Variants in LSM14A observed in about 807,000 individuals in gnomAD.
The protein encoded by LSM14A is protein LSM14 homolog A.
Under a neutral mutation model 52.4 loss-of-function variants are expected in LSM14A, and 14 were observed. The ratio of observed to expected loss-of-function variants is 0.27; its 90% confidence interval spans 0.18 to 0.42. LSM14A has a LOEUF of 0.42. Among genes scored for constraint, LSM14A ranks in the 10% least tolerant of loss-of-function variants. The pLI is 1.00. For missense variants in LSM14A, 417 were observed against 581.8 expected, an observed-to-expected ratio of 0.72 and a Z score of 2.91; for synonymous variants, 185 against 200.3, an observed-to-expected ratio of 0.92 and a Z score of 0.64.
Position 34,228,827 on chromosome 19 carries a change from G to A in LSM14A, c.*1439G>A, listed in dbSNP as rs1388222811. 1.3e-5 allele frequency: 2 copies of A among 152,590 alleles called. No individual in the cohort carries two copies. Among genetic ancestry groups the A allele is most frequent in the African/African-American group, 4.8e-5 (2 of 41,416 alleles). The allele number at this position is 152,590 out of a possible 1,614,324, so 9.5% of individuals were successfully genotyped here. A position where few individuals can be genotyped will look rare whatever the true frequency, so the allele number is the denominator to read the frequency against. On this transcript the variant is annotated 3_prime_UTR_variant, in exon 10 of 10. Coordinates refer to ENST00000544216, the MANE Select transcript of LSM14A (RefSeq NM_015578.4). ...AGGAGAATTGGAATATTTAAGGCTG[G>A]TTGACATTTTTTATTTTCATTTTAT...
chr19:34,178,013 T>G (rs1388687776), intron 1 of LSM14A, among the ~76,000 whole-genome samples: 1 of 151,290 alleles, frequency 6.6e-6, no homozygotes, highest in African/African-American at 2.4e-5. Flanking sequence ...ATACAAAAAT[T>G]ATCTGGGCGT....
At chr19:34,201,402 G>A (rs1196910135) in intron 3 of LSM14A, among the ~76,000 whole-genome samples, 1 of 152,188 alleles carries the variant, frequency 6.6e-6, no homozygotes, top group African/African-American at 2.4e-5. Flanking sequence ...GAGTGCAGTG[G>A]TGCGATCTCA....
At chr19:34,173,113 T>C (rs1020664991) in intron 1 of LSM14A, among the ~76,000 whole-genome samples, 2 of 152,228 alleles carry the variant, frequency 1.3e-5, no homozygotes. Context: ...AGCCGGAGTA[T>C]TCAAAGAATT....
In LSM14A at chr19:34,228,467, G is replaced by GTCATGATA. The variant is rs74177123; in HGVS notation, c.*1080_*1087dup. The GTCATGATA allele has an allele frequency of 0.14, 20,795 of 152,526 alleles. 1,726 individuals carry two copies. Among genetic ancestry groups the GTCATGATA allele is most frequent in the Middle Eastern group, 0.24 (71 of 290 alleles). The allele number at this position is 152,526 out of a possible 1,614,324, so 9.4% of individuals were successfully genotyped here. On this transcript the variant is annotated 3_prime_UTR_variant, in exon 10 of 10. Coordinates refer to ENST00000544216, the MANE Select transcript of LSM14A (RefSeq NM_015578.4). ...TTTTTCCTATTATGCCTGGAATTTAGTCATGATACCTTGACTCATTCCATC... is the reference window on the plus strand; with the variant it reads ...TTTTTCCTATTATGCCTGGAATTTAGTCATGATATCATGATACCTTGACTCATTCCATC...
At chr19:34,201,126 G>T (rs1419075079) in intron 3 of LSM14A, among the ~76,000 whole-genome samples, 1 of 151,914 alleles carries the variant, frequency 6.6e-6, no homozygotes. Context: ...TTATTACTTG[G>T]GTGTCACAAA....
Position 34,172,648 on chromosome 19 carries a change from CG to C in LSM14A, c.11del (p.Gly4AlafsTer33). 1 of 1,565,496 alleles carries C rather than the reference CG, an allele frequency of 6.4e-7. No homozygotes were observed. Among genetic ancestry groups the C allele is most frequent in the East Asian group, 2.5e-5 (1 of 39,216 alleles). On this transcript the variant is annotated frameshift_variant, in exon 1 of 10. Transcript: ENST00000544216. LOFTEE classifies it high-confidence loss of function. ...GGAGCGGCGGCGGCGGCGCCATGAG[CG>C]GGGGCACCCCTTACATCGGCAGCAA... Reference protein sequence around the residue: MSGGTPYIGSKIS... With the variant: MSXGTPYIGSKIS...
chr19:34,222,993 A>C (rs1404430545), intron 9 of LSM14A, among the ~76,000 whole-genome samples: 1 of 151,986 alleles, frequency 6.6e-6, no homozygotes, highest in Non-Finnish European at 1.5e-5. Context: ...CCAACCACCC[A>C]ATTTGGGGTC....
chr19:34,223,968 A>G (rs1176756118), intron 9 of LSM14A, among the ~76,000 whole-genome samples: 2 of 152,146 alleles, frequency 1.3e-5, no homozygotes, highest in African/African-American at 4.8e-5. Flanking sequence ...CTTCTGCAGT[A>G]TCTCTTATAG....
intron 3 of LSM14A, among the ~76,000 whole-genome samples, chr19:34,198,858 G>A (rs111514526): frequency 0.35 from 52,910 of 151,220 alleles, 9,682 homozygotes; most frequent in African/African-American, 0.4. Flanking sequence ...GTGGTGGTGG[G>A]CGCCTGTAGT....
chr19:34,224,365 CTG>C (rs1198774398), intron 9 of LSM14A, among the ~76,000 whole-genome samples: 4 of 152,194 alleles, frequency 2.6e-5, no homozygotes, highest in Admixed American at 2.6e-4. Context: ...CATGCAGTAA[CTG>C]TGTGTGCTCC....
At position 34,221,682 on chromosome 19, in the gene LSM14A, C is replaced by T. The variant is rs149275422; in HGVS notation, c.1312C>T (p.Arg438Cys). The T allele has an allele frequency of 8.7e-6, 14 of 1,613,878 alleles. No individual in the cohort carries two copies. The highest frequency in any genetic ancestry group is 6.7e-5 in the East Asian group (3 of 44,888). ...GGTFTAPRGF[R>C]GGFRGGRGGR... Reference sequence around the variant, plus strand: ...TACCTTCACTGCCCCTCGAGGATTTCGCGGTGGATTCAGAGGAGGTCGTGG... The same window carrying T: ...TACCTTCACTGCCCCTCGAGGATTTTGCGGTGGATTCAGAGGAGGTCGTGG... Residue 438 changes from arginine to cysteine, a missense_variant, in exon 9 of 10, where the codon CGC (arginine) becomes TGC (cysteine). Physicochemically the swap from Arg to Cys is radical, Grantham distance 180. Around this residue, in one of 2 missense-constraint regions of LSM14A, gnomAD observed 357 missense variants for 457.0 expected, o/e 0.78. Transcript: ENST00000544216.
At chr19:34,195,465 A>T (rs1332837615) in intron 2 of LSM14A, 1 of 152,276 alleles carries the variant, frequency 6.6e-6, no homozygotes, top group Non-Finnish European at 1.5e-5. Context: ...GGCATGAGCC[A>T]CTGTGCCTGG....
In LSM14A at chr19:34,228,568, TATG is replaced by T. The variant is rs16427; in HGVS notation, c.*1185_*1187del. ...ACACGGCAACACTGGTCCTTGGGCCTATGATGACCCACAGATGACTCAGTATAG... is the reference window on the plus strand; with the variant it reads ...ACACGGCAACACTGGTCCTTGGGCCTATGACCCACAGATGACTCAGTATAG... On this transcript the variant is annotated 3_prime_UTR_variant, in exon 10 of 10. Coordinates refer to ENST00000544216, the MANE Select transcript of LSM14A (RefSeq NM_015578.4). 0.34 allele frequency: 52,393 copies of T among 152,230 alleles called. 9,394 individuals carry two copies. Among genetic ancestry groups the T allele is most frequent in the African/African-American group, 0.38 (15,807 of 41,338 alleles). 9.4% of individuals were successfully genotyped at this position (152,230 alleles called of 1,614,324 possible).
At chr19:34,211,794 C>A (rs540702502) in intron 4 of LSM14A, among the ~76,000 whole-genome samples, 132 of 144,294 alleles carry the variant, frequency 9.1e-4, no homozygotes, top group Admixed American at 7.6e-3. Flanking sequence ...TGTCCCCCCC[C>A]AAAAAAAAAA....
intron 9 of LSM14A, among the ~76,000 whole-genome samples, chr19:34,226,870 A>T (rs1052189772): frequency 2.0e-5 from 3 of 152,210 alleles, no homozygotes; most frequent in African/African-American, 7.2e-5. Context: ...TTTAAGAGTT[A>T]TCCTTGTAAA....
At chr19:34,205,386 T>C (rs1363282565) in intron 3 of LSM14A, among the ~76,000 whole-genome samples, 1 of 142,816 alleles carries the variant, frequency 7.0e-6, no homozygotes, top group Non-Finnish European at 1.5e-5. Context: ...CTCAGGAGGC[T>C]GAGGCAGGAG....
intron 1 of LSM14A, among the ~76,000 whole-genome samples, chr19:34,189,367 C>G (rs2070179363): frequency 6.6e-6 from 1 of 152,106 alleles, no homozygotes; most frequent in Non-Finnish European, 1.5e-5. Flanking sequence ...ATATCAAATC[C>G]AAGTAAGCAA....
Position 34,175,257 on chromosome 19 carries a change from G to A in LSM14A, c.121+2494G>A, listed in dbSNP as rs368827293. Among the ~76,000 whole-genome samples, 147 of 149,248 alleles carry A rather than the reference G, an allele frequency of 9.8e-4. 1 individual carries two copies. Among genetic ancestry groups the A allele is most frequent in the South Asian group, 4.4e-3 (21 of 4,742 alleles). On this transcript the variant is annotated intron_variant, in intron 1 of 9. Coordinates refer to ENST00000544216, the MANE Select transcript of LSM14A (RefSeq NM_015578.4). ...TTTTTTTTTTTCTTTTTGAGATGGC[G>A]TCTCACTCTGTTGCCCAGGCCGGAG...
intron 8 of LSM14A, among the ~76,000 whole-genome samples, chr19:34,221,065 T>A (rs1208819268): frequency 6.6e-6 from 1 of 150,760 alleles, no homozygotes; most frequent in African/African-American, 2.4e-5. Flanking sequence ...CAACTCGTGA[T>A]AACTTAGATA....
Sources: allele counts gnomAD v4.1 joint callset (sites outside exome capture counted in the v4.1 genomes callset), GRCh38; gene constraint gnomAD v4.1.1; regional missense constraint gnomAD v4.1.1; transcripts MANE v1.5; gene names NCBI Gene and HGNC (gene_info 2026-07-23, HGNC 2026-07-21).